The following MVP variants were observed in gnomAD, a reference collection of about 807,000 sequenced individuals.
The protein encoded by MVP is lung resistance-related protein.
In MVP, 62 loss-of-function variants were observed where a neutral mutation model predicts 83.5. The ratio of observed to expected loss-of-function variants is 0.74; its 90% CI spans 0.61 to 0.92. The LOEUF is 0.92. Ranked by LOEUF, MVP falls within the 40% of genes least tolerant of loss-of-function variation. MVP has a pLI of 0.00. For synonymous variants in MVP, 505 were observed against 504.1 expected (o/e 1.00, Z -0.02); for missense variants, 1,000 against 1,203.4 (o/e 0.83, Z 2.50).
intron 1 of MVP, among the ~76,000 whole-genome samples, chr16:29,827,365 A>G (rs1381134482): frequency 3.3e-5 from 5 of 152,224 alleles, no homozygotes; most frequent in African/African-American, 1.2e-4. Context: ...CAAGGCAGTG[A>G]GGAAACTATG....
Position 29,843,566 on chromosome 16 carries a change from G to A in MVP, c.1635-927G>A, listed in dbSNP as rs190863542. 3.4e-4 allele frequency among the ~76,000 whole-genome samples: 23 copies of A among 68,266 alleles called. 1 individual carries two copies. The highest frequency in any genetic ancestry group is 1.1e-3 in the Admixed American group (9 of 8,148). The allele number at this position is 68,266 out of a possible 152,430, so 44.8% of individuals were successfully genotyped here. On this transcript the variant is annotated intron_variant, in intron 10 of 14. Transcript: ENST00000357402. The stretch of plus-strand genomic sequence containing the variant: ...GGAGGAAGGGAGGGAGGGAGGGAGG[G>A]AGGGAGGGAGGGAGGAAGGGAGGAA...
rs375033217 is a variant in MVP, at chr16:29,830,916, C to A, written c.164C>A (p.Pro55Gln). ...FAPMRMVTVP[P>Q]RHYCTVANPV... ...CCCATGCGCATGGTGACCGTCCCCC[C>A]ACGTCACTACTGCACAGTGGCCAAC... The change falls in exon 3 of 15, where the codon CCA becomes CAA. Residue 55 changes from proline to glutamine, a missense_variant. Physicochemically the swap from Pro to Gln is moderately conservative, Grantham distance 76. Coordinates refer to ENST00000357402, the MANE Select transcript of MVP (RefSeq NM_005115.5). 197 of 1,613,716 alleles carry A rather than the reference C, an allele frequency of 1.2e-4. No individual in the cohort carries two copies. The highest frequency in any genetic ancestry group is 1.6e-4 in the Non-Finnish European group (192 of 1,179,798).
intron 8 of MVP, among the ~76,000 whole-genome samples, chr16:29,840,938 A>G (rs1351946187): frequency 6.6e-6 from 1 of 151,732 alleles, no homozygotes; most frequent in African/African-American, 2.4e-5. Flanking sequence ...GACTCTGTCA[A>G]AAAAAAATAT....
rs150899988 is a variant in MVP, at chr16:29,840,346, C to T, written c.1078C>T (p.Arg360Cys). Residue 360 changes from arginine (R) to cysteine (C), a missense_variant, in exon 8 of 15, where the codon CGC becomes TGC. Transcript: ENST00000357402. Reference protein sequence around the residue: ...SHQAGDHWLIRGPLEYVPSAK... With the variant: ...SHQAGDHWLICGPLEYVPSAK... ...CCAGGCTGGGGACCACTGGCTCATCCGCGGACCCCTGGAGTATGTGCCATC... is the reference window on the plus strand; with the variant it reads ...CCAGGCTGGGGACCACTGGCTCATCTGCGGACCCCTGGAGTATGTGCCATC... 10 of 1,608,802 alleles carry T rather than the reference C, an allele frequency of 6.2e-6. No homozygotes were observed. In the East Asian group the frequency reaches 8.9e-5, roughly 14 times the overall value.
intron 11 of MVP, 117 bp from the exon 12 acceptor site, chr16:29,845,746 C>T: frequency 1.3e-6 from 1 of 784,438 alleles, no homozygotes; most frequent in Admixed American, 2.7e-5. Context: ...TATTGGGTGC[C>T]TTCTAGGGGC....
At chr16:29,837,914 C>A (rs765651926) in intron 7 of MVP, among the ~76,000 whole-genome samples, 1 of 152,080 alleles carries the variant, frequency 6.6e-6, no homozygotes, top group Admixed American at 6.6e-5. Context: ...CCTCTCCCAC[C>A]CCCTACTTCA....
rs999935706 is a variant in MVP at position 29,836,950 on chromosome 16, G to A, written c.901G>A (p.Val301Met). ...DGKNQLGQKR[V>M]VKGEKSFFLQ... ...CAAGAATCAGCTGGGGCAGAAGCGC[G>A]TGGTCAAGGTGAGGTCCCTACACCC... The change falls in exon 7 of 15, where the codon GTG becomes ATG. Residue 301 changes from valine (V) to methionine (M), a missense_variant. By Grantham distance (21) the Val-to-Met change is conservative. Coordinates refer to ENST00000357402, the MANE Select transcript of MVP (RefSeq NM_005115.5). 1.2e-6 allele frequency: 2 copies of A among 1,610,820 alleles called. No homozygotes were observed. Among genetic ancestry groups the A allele is most frequent in the Non-Finnish European group, 1.7e-6 (2 of 1,178,056 alleles).
chr16:29,833,449 G>C (rs528373200), intron 3 of MVP: 1 of 315,518 alleles, frequency 3.2e-6, no homozygotes, highest in Admixed American at 4.8e-5. Flanking sequence ...GGTGTGCGCC[G>C]CCACCATGCC....
In MVP at chr16:29,846,193, A is replaced by C; in HGVS notation, c.2174A>C (p.Glu725Ala). 1 of 1,608,412 alleles carries C rather than the reference A, an allele frequency of 6.2e-7. No individual in the cohort carries two copies. The change falls in exon 13 of 15, where the codon GAG becomes GCG. Residue 725 changes from glutamate (E) to alanine (A), a missense_variant. By Grantham distance (107) the Glu-to-Ala change is moderately radical (BLOSUM62 -1). Transcript: ENST00000357402. Reference sequence around the variant, plus strand: ...GAGAGCACCGGGACTGCCAAGGCGGAGGCCGAGTCCCGTGCGGAGGCAGCC... The same window carrying C: ...GAGAGCACCGGGACTGCCAAGGCGGCGGCCGAGTCCCGTGCGGAGGCAGCC... ...AVESTGTAKA[E>A]AESRAEAARI... is the part of the protein sequence containing the mutation.
At position 29,840,412 on chromosome 16, in the gene MVP, C is replaced by G. The variant is rs2067525033; in HGVS notation, c.1144C>G (p.Leu382Val). Residue 382 changes from leucine (L) to valine (V), a missense_variant, in exon 8 of 15, where the codon CTA becomes GTA. By Grantham distance (32) the Leu-to-Val change is conservative. Coordinates refer to ENST00000357402, the MANE Select transcript of MVP (RefSeq NM_005115.5). ...EVVEERQAIP[L>V]DENEGIYVQD... The stretch of plus-strand genomic sequence containing the variant: ...GGTGGAGGAGCGCCAGGCCATCCCT[C>G]TAGACGAGAACGAGGGCATCTATGT... 2.5e-6 allele frequency: 4 copies of G among 1,586,658 alleles called. No individual in the cohort carries two copies. Among genetic ancestry groups the G allele is most frequent in the Non-Finnish European group, 3.4e-6 (4 of 1,167,226 alleles).
rs2073409343 is a variant in MVP at position 29,833,933 on chromosome 16, A to C, written c.446-2A>C. ...CTTCTGACCATCACCTTCCCTCCCC[A>C]GGCACGTACATCCCCCGGAAGGAAG... On this transcript the variant is annotated splice_acceptor_variant, in intron 4 of 14. Coordinates refer to ENST00000357402, the MANE Select transcript of MVP (RefSeq NM_005115.5). LOFTEE classifies it high-confidence loss of function. 1 of 1,614,020 alleles carries C rather than the reference A, an allele frequency of 6.2e-7. No homozygotes were observed. Among genetic ancestry groups the C allele is most frequent in the Non-Finnish European group, 8.5e-7 (1 of 1,179,980 alleles).
chr16:29,835,466 G>A (rs1330995320), intron 5 of MVP: 6 of 300,804 alleles, frequency 2.0e-5, no homozygotes, highest in Non-Finnish European at 6.1e-6. Flanking sequence ...GGGCAACAGA[G>A]GGAGACTCCG....
intron 11 of MVP, 33 bp downstream of exon 11, chr16:29,844,912 T>C (rs2067571048): frequency 6.4e-7 from 1 of 1,572,926 alleles, no homozygotes; most frequent in Non-Finnish European, 8.6e-7. Context: ...CTGCCTATAA[T>C]GCCCATGGCA....
At chr16:29,843,325 CA>C (rs1027625078) in intron 10 of MVP, among the ~76,000 whole-genome samples, 112 of 139,120 alleles carry the variant, frequency 8.1e-4, no homozygotes, top group African/African-American at 1.7e-3. Flanking sequence ...GACTCTGTTT[CA>C]AAAAAAAAAA....
Position 29,840,389 on chromosome 16 carries a change from T to C in MVP, c.1121T>C (p.Val374Ala), listed in dbSNP as rs909853341. Reference sequence around the variant, plus strand: ...GTGCCATCTGCCAAAGTGGAGGTGGTGGAGGAGCGCCAGGCCATCCCTCTA... The same window carrying C: ...GTGCCATCTGCCAAAGTGGAGGTGGCGGAGGAGCGCCAGGCCATCCCTCTA... Reference protein sequence around the residue: ...EYVPSAKVEVVEERQAIPLDE... With the variant: ...EYVPSAKVEVAEERQAIPLDE... Residue 374 changes from valine to alanine, a missense_variant, in exon 8 of 15, where the codon GTG becomes GCG. Coordinates refer to ENST00000357402, the MANE Select transcript of MVP (RefSeq NM_005115.5). 1.9e-6 allele frequency: 3 copies of C among 1,595,790 alleles called. No individual in the cohort carries two copies. Among genetic ancestry groups the C allele is most frequent in the Non-Finnish European group, 2.6e-6 (3 of 1,172,142 alleles).
Position 29,845,913 on chromosome 16 carries a change from A to C in MVP, c.2072A>C (p.Gln691Pro), listed in dbSNP as rs1218278243. The C allele has an allele frequency of 6.2e-7, 1 of 1,614,206 alleles. No individual in the cohort carries two copies. The highest frequency in any genetic ancestry group is 1.1e-5 in the South Asian group (1 of 91,090). Residue 691 changes from glutamine to proline, a missense_variant, in exon 12 of 15, where the codon CAG (glutamine) becomes CCG (proline). Gln to Pro is a moderately conservative substitution (Grantham distance 76). Transcript: ENST00000357402. ...GAAGCCCGCGGCCGGCTTGAGCGGC[A>C]GAAGATCCTGGACCAGTCAGAAGCC... is the stretch of plus-strand genomic sequence containing the variant. Reference protein sequence around the residue: ...EQEARGRLERQKILDQSEAEK... With the variant: ...EQEARGRLERPKILDQSEAEK...
chr16:29,841,602 G>A lies in MVP; in HGVS notation c.1198G>A (p.Ala400Thr), dbSNP rs1285160292. The change falls in exon 9 of 15, where the codon GCT becomes ACT. Residue 400 changes from alanine to threonine, a missense_variant. Transcript: ENST00000357402. The surrounding 1 kb of genome is among the most constrained non-coding windows in gnomAD (Gnocchi z 4.7). Reference protein sequence around the residue: ...VQDVKTGKVRAVIGSTYMLTQ... With the variant: ...VQDVKTGKVRTVIGSTYMLTQ... ...TCCCTGTCCTCGTCCCAAGGTGCGC[G>A]CTGTGATTGGAAGCACCTACATGCT... The A allele has an allele frequency of 6.3e-7, 1 of 1,599,932 alleles. No individual in the cohort carries two copies. The highest frequency in any genetic ancestry group is 1.3e-5 in the African/African-American group (1 of 74,410).
At position 29,840,373 on chromosome 16, in the gene MVP, G is replaced by A; in HGVS notation, c.1105G>A (p.Ala369Thr). Residue 369 changes from alanine to threonine, a missense_variant, in exon 8 of 15, where the codon GCC becomes ACC. Transcript: ENST00000357402. The stretch of plus-strand genomic sequence containing the variant: ...CGGACCCCTGGAGTATGTGCCATCT[G>A]CCAAAGTGGAGGTGGTGGAGGAGCG... ...IRGPLEYVPS[A>T]KVEVVEERQA... is the part of the protein sequence containing the mutation. 3.7e-6 allele frequency: 6 copies of A among 1,602,478 alleles called. No homozygotes were observed. The highest frequency in any genetic ancestry group is 5.1e-6 in the Non-Finnish European group (6 of 1,175,272).
chr16:29,847,310 G>C lies in MVP; in HGVS notation c.2379G>C (p.Lys793Asn). 1 of 1,611,574 alleles carries C rather than the reference G, an allele frequency of 6.2e-7. No individual in the cohort carries two copies. The highest frequency in any genetic ancestry group is 8.5e-7 in the Non-Finnish European group (1 of 1,179,262). The change falls in exon 14 of 15, where the codon AAG (lysine) becomes AAC (asparagine). Residue 793 changes from lysine (K) to asparagine (N), a missense_variant. By Grantham distance (94) the Lys-to-Asn change is moderately conservative. Transcript: ENST00000357402. ...KAQQLAEVEV[K>N]KFKQMTEAIG... ...AGCAGCTGGCTGAGGTGGAGGTGAA[G>C]AAGTTCAAGCAGATGACAGAGGCCA...
Sources: gnomAD v4.1 joint callset for allele counts (sites outside exome capture counted in the v4.1 genomes callset) on GRCh38, gnomAD v4.1.1 for gene constraint, Gnocchi (gnomAD v3.1) non-coding constraint, MANE v1.5 for transcripts, NCBI Gene and HGNC (gene_info 2026-07-23, HGNC 2026-07-21) for gene names.